The following PRKG1 variants were observed in gnomAD, a reference collection of about 807,000 sequenced individuals.
The protein encoded by PRKG1 is protein kinase cGMP-dependent 1.
Under a neutral mutation model 88.1 loss-of-function variants are expected in PRKG1, and 35 were observed. The observed-to-expected ratio is 0.40, with a 90% CI of 0.30 to 0.53. PRKG1 has a LOEUF of 0.53. Among genes scored for constraint, PRKG1 ranks in the 20% least tolerant of loss-of-function variants. The probability of loss-of-function intolerance (pLI) is 0.59; values close to 1 mark genes in which losing one functional copy is unlikely to be tolerated. For missense variants in PRKG1, 540 were observed against 839.8 expected (o/e 0.64, Z 4.41); for synonymous variants, 303 against 292.5 (o/e 1.04, Z -0.37).
At chr10:51,658,019 C>T (rs1840203741) in intron 3 of PRKG1, among the ~76,000 whole-genome samples, 1 of 152,090 alleles carries the variant, frequency 6.6e-6, no homozygotes, top group Non-Finnish European at 1.5e-5. Context: ...AAATTGCAAA[C>T]ACATTGATAG....
chr10:51,764,520 G>A (rs1838105796), intron 3 of PRKG1, among the ~76,000 whole-genome samples: 1 of 152,102 alleles, frequency 6.6e-6, no homozygotes, highest in Non-Finnish European at 1.5e-5. Flanking sequence ...CTGTCAAGCT[G>A]GCCCAGGTTG....
intron 3 of PRKG1, among the ~76,000 whole-genome samples, chr10:51,735,206 GT>G (rs1429813322): frequency 6.6e-6 from 1 of 152,132 alleles, no homozygotes; most frequent in Admixed American, 6.6e-5. Context: ...TGCTACATGT[GT>G]TTCTTTTATG....
At chr10:52,151,700 G>A (rs1201109902) in intron 8 of PRKG1, among the ~76,000 whole-genome samples, 1 of 152,168 alleles carries the variant, frequency 6.6e-6, no homozygotes, top group Non-Finnish European at 1.5e-5. Context: ...GTATAGTTGA[G>A]AGATATTTAT....
At chr10:51,927,682 T>C (rs1233071130) in intron 5 of PRKG1, among the ~76,000 whole-genome samples, 2 of 152,098 alleles carry the variant, frequency 1.3e-5, no homozygotes, top group African/African-American at 4.8e-5. Context: ...CAGGAATAAA[T>C]ACTTCCTATC....
chr10:52,078,624 T>A (rs1300426808), intron 7 of PRKG1, among the ~76,000 whole-genome samples: 1 of 152,236 alleles, frequency 6.6e-6, no homozygotes, highest in South Asian at 2.1e-4. Flanking sequence ...TTATTTTTAT[T>A]GCTTCTCATT....
chr10:52,224,166 C>A (rs183092540), intron 9 of PRKG1, among the ~76,000 whole-genome samples: 3 of 152,102 alleles, frequency 2.0e-5, no homozygotes, highest in Non-Finnish European at 4.4e-5. Context: ...CTCCACCTTG[C>A]GTCCCATCTC....
intron 1 of PRKG1, among the ~76,000 whole-genome samples, chr10:51,056,380 TCTCC>T (rs745388145): frequency 1.6e-5 from 1 of 62,036 alleles, no homozygotes; most frequent in Non-Finnish European, 5.0e-5. Context: ...AGGAGCTTGA[TCTCC>T]CTTTACTGTT....
rs1840164046 is a variant in PRKG1, at chr10:51,475,492, T to C, written c.592+7656T>C. Among the ~76,000 whole-genome samples, 4 of 152,064 alleles carry C rather than the reference T, an allele frequency of 2.6e-5. 1 individual carries two copies. In the South Asian group the frequency reaches 8.3e-4, roughly 32 times the overall value. ...CCTACACATATGCATACTATCATGT[T>C]CATCAAATTGTCTATATTGAGGAAT... On this transcript the variant is annotated intron_variant, in intron 3 of 17. Coordinates refer to ENST00000373980, the MANE Select transcript of PRKG1 (RefSeq NM_006258.4).
intron 3 of PRKG1, among the ~76,000 whole-genome samples, chr10:51,509,749 G>T (rs1841336679): frequency 6.6e-6 from 1 of 152,156 alleles, no homozygotes; most frequent in Admixed American, 6.5e-5. Context: ...CATTAGGGAG[G>T]TGGCTTCATC....
intron 2 of PRKG1, among the ~76,000 whole-genome samples, chr10:51,410,228 GTGTGTGTGTA>G (rs1236178017): frequency 7.2e-6 from 1 of 138,026 alleles, no homozygotes; most frequent in Non-Finnish European, 1.5e-5. Context: ...ATATATATAT[GTGTGTGTGTA>G]TGTGTGTGTG....
Position 51,752,208 on chromosome 10 carries a change from T to C in PRKG1, c.593-52377T>C, listed in dbSNP as rs150642811. Reference sequence around the variant, plus strand: ...GCAGCTCCATAATATAACCTCATTATGCCTTTTAGTACTTGTGTCACTTCT... The same window carrying C: ...GCAGCTCCATAATATAACCTCATTACGCCTTTTAGTACTTGTGTCACTTCT... On this transcript the variant is annotated intron_variant, in intron 3 of 17. Coordinates refer to ENST00000373980, the MANE Select transcript of PRKG1 (RefSeq NM_006258.4). 4.8e-3 allele frequency among the ~76,000 whole-genome samples: 736 copies of C among 152,346 alleles called. 7 individuals are homozygous for C. The highest frequency in any genetic ancestry group is 0.017 in the African/African-American group (691 of 41,592).
intron 9 of PRKG1, among the ~76,000 whole-genome samples, chr10:52,188,288 GTGTA>G (rs1839267021): frequency 7.7e-5 from 1 of 13,062 alleles, no homozygotes; most frequent in Non-Finnish European, 1.6e-4. Flanking sequence ...ACATATATAT[GTGTA>G]TATATATATG....
At position 51,093,627 on chromosome 10, in the gene PRKG1, A is replaced by C. The variant is rs891261198; in HGVS notation, c.311+18726A>C. 7.4e-5 allele frequency among the ~76,000 whole-genome samples: 11 copies of C among 148,552 alleles called. 1 individual carries two copies. Among genetic ancestry groups the C allele is most frequent in the Admixed American group, 1.3e-4 (2 of 14,892 alleles). Reference sequence around the variant, plus strand: ...CTTGTTTTTTTAATTATTACTTCATAATTTTTTTTCACATTTTGTGAGGGT... The same window carrying C: ...CTTGTTTTTTTAATTATTACTTCATCATTTTTTTTCACATTTTGTGAGGGT... On this transcript the variant is annotated intron_variant, in intron 1 of 17. Coordinates refer to ENST00000373980, the MANE Select transcript of PRKG1 (RefSeq NM_006258.4).
chr10:52,036,980 G>A (rs1294758886), intron 5 of PRKG1, among the ~76,000 whole-genome samples: 1 of 152,286 alleles, frequency 6.6e-6, no homozygotes, highest in Non-Finnish European at 1.5e-5. Context: ...CGGAAGCTCG[G>A]CGTCTGTGAT....
At chr10:51,089,547 G>T (rs1844347288) in intron 1 of PRKG1, among the ~76,000 whole-genome samples, 1 of 152,120 alleles carries the variant, frequency 6.6e-6, no homozygotes, top group South Asian at 2.1e-4. Flanking sequence ...CTTGTATATT[G>T]TCTCTTAGCT....
At chr10:50,996,700 C>A (rs979872313) in intron 1 of PRKG1, among the ~76,000 whole-genome samples, 2 of 152,186 alleles carry the variant, frequency 1.3e-5, no homozygotes, top group African/African-American at 4.8e-5. Flanking sequence ...ACCTTGGTTG[C>A]CTCCTTTGAA....
At chr10:51,634,920 T>C (rs1291464782) in intron 3 of PRKG1, among the ~76,000 whole-genome samples, 3 of 152,010 alleles carry the variant, frequency 2.0e-5, no homozygotes, top group Admixed American at 6.6e-5. Context: ...AAGAGAACAA[T>C]ATACACCAGG....
chr10:51,800,454 A>G (rs577895826), intron 3 of PRKG1, among the ~76,000 whole-genome samples: 1 of 152,258 alleles, frequency 6.6e-6, no homozygotes, highest in South Asian at 2.1e-4. Context: ...GAACACTTAC[A>G]TCAGCCTACA....
intron 1 of PRKG1, among the ~76,000 whole-genome samples, chr10:51,029,906 T>C (rs1242711502): frequency 6.6e-6 from 1 of 152,114 alleles, no homozygotes. Flanking sequence ...CATGTTCTCA[T>C]GTGGGGAAGA....
Sources: allele counts gnomAD v4.1 joint callset (sites outside exome capture counted in the v4.1 genomes callset), GRCh38; gene constraint gnomAD v4.1.1; transcripts MANE v1.5; gene names NCBI Gene and HGNC (gene_info 2026-07-23, HGNC 2026-07-21).